MYRIP: variants seen among roughly 807,000 people sequenced by gnomAD.
The protein encoded by MYRIP is myosin VIIA and Rab interacting protein, also known as rab effector MyRIP.
A neutral mutation model predicts 98.0 loss-of-function variants in MYRIP; 49 were observed. That is an observed-to-expected ratio of 0.50 (90% confidence interval 0.40 to 0.63). The LOEUF (loss-of-function observed/expected upper bound fraction) is 0.63, where lower values mean the gene tolerates loss of function less well. MYRIP is among the 30% of genes least tolerant of loss of function. MYRIP has a pLI of 0.00. For missense variants in MYRIP, 1,004 were observed against 1,058.2 expected (o/e 0.95, Z 0.71); for synonymous variants, 404 against 409.5 (o/e 0.99, Z 0.16).
At chr3:39,819,721 A>G (rs1339342334) in intron 1 of MYRIP, among the ~76,000 whole-genome samples, 1 of 152,236 alleles carries the variant, frequency 6.6e-6, no homozygotes, top group African/African-American at 2.4e-5. Context: ...TGAGGTGGAC[A>G]TGGTTGGGGG....
At chr3:40,016,015 A>G (rs1946854287) in intron 2 of MYRIP, among the ~76,000 whole-genome samples, 1 of 151,990 alleles carries the variant, frequency 6.6e-6, no homozygotes, top group Non-Finnish European at 1.5e-5. Flanking sequence ...AAAGGTGGCC[A>G]TGCCCTCCTT....
chr3:40,127,138 T>C (rs571179968), intron 3 of MYRIP, among the ~76,000 whole-genome samples: 1 of 152,352 alleles, frequency 6.6e-6, no homozygotes, highest in South Asian at 2.1e-4. Flanking sequence ...GAAAACACCT[T>C]TCTTATAATA....
chr3:40,211,257 T>C (rs773456145), intron 11 of MYRIP, among the ~76,000 whole-genome samples: 13 of 152,216 alleles, frequency 8.5e-5, no homozygotes, highest in Non-Finnish European at 1.8e-4. Flanking sequence ...TCCCAGGTGT[T>C]TTCTGTGTCC....
intron 8 of MYRIP, chr3:40,173,012 A>G (rs1004800991): frequency 2.6e-5 from 4 of 152,210 alleles, no homozygotes; most frequent in Admixed American, 6.5e-5. Flanking sequence ...AGTTCTGCAC[A>G]GTAACTAAAA....
intron 2 of MYRIP, among the ~76,000 whole-genome samples, chr3:40,012,679 G>A (rs1426477095): frequency 1.3e-5 from 2 of 152,292 alleles, no homozygotes; most frequent in African/African-American, 4.8e-5. Context: ...GTAGAGGAAG[G>A]AAGAATTTGC....
chr3:39,835,830 G>A (rs972998797), intron 1 of MYRIP, among the ~76,000 whole-genome samples: 2 of 152,102 alleles, frequency 1.3e-5, no homozygotes, highest in Non-Finnish European at 2.9e-5. Context: ...ACTTATGAGT[G>A]AGAACATGGA....
rs184286726 is a variant in MYRIP, at chr3:39,811,739, G to A, written c.-31+1823G>A. ...GAGATGGTGTGTATCTCTTGGTGGC[G>A]CAGTGTTCTGTGTGGTCTGGGTTTC... On this transcript the variant is annotated intron_variant, in intron 1 of 16. Transcript: ENST00000302541. 7.2e-5 allele frequency among the ~76,000 whole-genome samples: 11 copies of A among 151,804 alleles called. No individual in the cohort carries two copies. In the East Asian group the frequency reaches 1.9e-3, roughly 27 times the overall value.
At chr3:39,976,293 A>G (rs1945749003) in intron 2 of MYRIP, among the ~76,000 whole-genome samples, 1 of 152,256 alleles carries the variant, frequency 6.6e-6, no homozygotes, top group Non-Finnish European at 1.5e-5. Flanking sequence ...CACATGAGAA[A>G]ATGCTCATCA....
chr3:40,234,390 T>C (rs1235304019), intron 12 of MYRIP, among the ~76,000 whole-genome samples: 1 of 152,156 alleles, frequency 6.6e-6, no homozygotes, highest in Non-Finnish European at 1.5e-5. Flanking sequence ...GGAGTAGAAG[T>C]TGCATCTCAG....
chr3:39,855,405 C>T (rs1241241687), intron 1 of MYRIP, among the ~76,000 whole-genome samples: 1 of 152,086 alleles, frequency 6.6e-6, no homozygotes, highest in Admixed American at 6.5e-5. Context: ...CCAAAAGTTT[C>T]TATGTTTTGT....
rs150729640 is a variant in MYRIP at position 39,987,917 on chromosome 3, C to A, written c.111-56133C>A. ...AAAGACTTGGAACCAAGCCAAATGT[C>A]CAACAATGATAGACTGGATTAAGAA... On this transcript the variant is annotated intron_variant, in intron 2 of 16. Transcript: ENST00000302541. Among the ~76,000 whole-genome samples, 1,133 of 152,202 alleles carry A rather than the reference C, an allele frequency of 7.4e-3. 15 individuals are homozygous for A. The highest frequency in any genetic ancestry group is 0.026 in the African/African-American group (1,079 of 41,514).
chr3:40,243,819 CTTATTT>C (rs1284035123), intron 12 of MYRIP, among the ~76,000 whole-genome samples: 1 of 152,158 alleles, frequency 6.6e-6, no homozygotes, highest in Non-Finnish European at 1.5e-5. Flanking sequence ...GACTTGCTCT[CTTATTT>C]TTAACAGCTC....
At chr3:40,257,798 ATG>A (rs1328802647) in intron 16 of MYRIP, among the ~76,000 whole-genome samples, 1 of 152,224 alleles carries the variant, frequency 6.6e-6, no homozygotes, top group African/African-American at 2.4e-5. Flanking sequence ...ACATATGAGA[ATG>A]TGTTATATTA....
At chr3:39,919,687 A>C (rs1575379270) in intron 2 of MYRIP, among the ~76,000 whole-genome samples, 1 of 132,016 alleles carries the variant, frequency 7.6e-6, no homozygotes. Flanking sequence ...GTGTGCGGGT[A>C]TGTGTGGTGT....
At chr3:40,000,013 C>G (rs1410779098) in intron 2 of MYRIP, among the ~76,000 whole-genome samples, 1 of 125,756 alleles carries the variant, frequency 8.0e-6, no homozygotes, top group Non-Finnish European at 1.6e-5. Flanking sequence ...ACATCACACA[C>G]CAGGGCCTGT....
At chr3:40,015,591 C>T (rs1349029705) in intron 2 of MYRIP, among the ~76,000 whole-genome samples, 2 of 152,192 alleles carry the variant, frequency 1.3e-5, no homozygotes, top group African/African-American at 4.8e-5. Context: ...AGATTCTGCA[C>T]AAGGGTTGGG....
chr3:40,166,928 A>T lies in MYRIP; in HGVS notation c.633A>T (p.Ala211=), dbSNP rs766930839. The change falls in exon 6 of 17, where the codon GCA becomes GCT. Residue 211 remains alanine (A), a synonymous_variant. Transcript: ENST00000302541. The stretch of plus-strand genomic sequence containing the variant: ...AGGAAGCAATTTCCAAAGCAGAGGC[A>T]TATGGGGACAGCCTGGTAGGGCCCC... The part of the protein sequence containing the change: ...AIEEAISKAE[A]YGDSLDKQNE... The T allele has an allele frequency of 1.2e-5, 19 of 1,613,692 alleles. No individual in the cohort carries two copies. In the Admixed American group the frequency reaches 2.0e-4, roughly 17 times the overall value.
chr3:39,912,606 T>C (rs1205485747), intron 2 of MYRIP, among the ~76,000 whole-genome samples: 1 of 152,200 alleles, frequency 6.6e-6, no homozygotes, highest in African/African-American at 2.4e-5. Context: ...TACAACCCCA[T>C]ATAACACTTC....
intron 1 of MYRIP, among the ~76,000 whole-genome samples, chr3:39,863,396 C>T (rs1318275682): frequency 6.6e-6 from 1 of 151,262 alleles, no homozygotes; most frequent in East Asian, 1.9e-4. Flanking sequence ...ATAAAACAGG[C>T]CACCACCTAG....
Sources: allele counts gnomAD v4.1 joint callset (sites outside exome capture counted in the v4.1 genomes callset), GRCh38; gene constraint gnomAD v4.1.1; transcripts MANE v1.5; gene names NCBI Gene and HGNC (gene_info 2026-07-23, HGNC 2026-07-21).